The following LRRC37A2 variants were observed in gnomAD, a reference collection of about 807,000 sequenced individuals.
LRRC37A2 encodes leucine rich repeat containing 37 member A2, also known as leucine-rich repeat-containing protein 37A2.
A neutral mutation model predicts 68.8 loss-of-function variants in LRRC37A2; 9 were observed. The ratio of observed to expected loss-of-function variants is 0.13; its 90% confidence interval spans 0.08 to 0.23. LRRC37A2 has a LOEUF of 0.23. Among genes scored for constraint, LRRC37A2 ranks in the 10% least tolerant of loss-of-function variants. The pLI, the probability that LRRC37A2 is intolerant of heterozygous loss-of-function variation, is 1.00. For synonymous variants in LRRC37A2, 63 were observed against 367.6 expected (o/e 0.17, Z 9.48); for missense variants, 168 against 950.4 (o/e 0.18, Z 10.82).
At chr17:47,014,392 GAAAAAAA>G in the LRRC37A2 span, among the ~76,000 whole-genome samples, 17,766 of 99,450 alleles carry the variant, frequency 0.18, 1,136 homozygotes, top group South Asian at 0.32. Flanking sequence ...TCCATCTCGA[GAAAAAAA>G]AAAAAAAAAG....
the LRRC37A2 span, among the ~76,000 whole-genome samples, chr17:46,879,850 C>T: frequency 2.0e-5 from 3 of 152,182 alleles, no homozygotes; most frequent in African/African-American, 7.2e-5. Context: ...AAGTGGAGTC[C>T]CATGTCTCAG....
At chr17:46,847,837 G>A in the LRRC37A2 span, among the ~76,000 whole-genome samples, 1 of 152,214 alleles carries the variant, frequency 6.6e-6, no homozygotes, top group African/African-American at 2.4e-5. Context: ...CTGAGGGTTT[G>A]TTTCAGGCAG....
chr17:46,793,305 G>T, the LRRC37A2 span, among the ~76,000 whole-genome samples: 1 of 135,648 alleles, frequency 7.4e-6, no homozygotes. Context: ...AAAAAAATGA[G>T]GGGAGACATT....
chr17:46,876,801 A>C, the LRRC37A2 span: 1 of 1,456,188 alleles, frequency 6.9e-7, no homozygotes, highest in Non-Finnish European at 9.1e-7. Context: ...CTCTGGGCAG[A>C]CTGTCATCAC....
chr17:46,487,536 CA>C, the LRRC37A2 span, among the ~76,000 whole-genome samples: 2 of 59,698 alleles, frequency 3.4e-5, no homozygotes, highest in African/African-American at 1.2e-4. Flanking sequence ...AATTAACTCT[CA>C]TATCCTCCTC....
the LRRC37A2 span, among the ~76,000 whole-genome samples, chr17:47,031,814 T>TC: frequency 6.9e-6 from 1 of 144,800 alleles, no homozygotes; most frequent in South Asian, 2.4e-4. Context: ...GCCTTACTGT[T>TC]CCCCCCAGTC....
chr17:46,919,402 C>G, the LRRC37A2 span, among the ~76,000 whole-genome samples: 1 of 152,136 alleles, frequency 6.6e-6, no homozygotes, highest in East Asian at 1.9e-4. Context: ...GCATTTTCTT[C>G]TATTTAGAGG....
At chr17:46,755,932 A>G in the LRRC37A2 span, 5 of 1,052,138 alleles carry the variant, frequency 4.8e-6, no homozygotes, top group Middle Eastern at 2.0e-4. Context: ...AACGTTCTCT[A>G]CCTTCAACAT....
chr17:46,839,961 T>TTTCTTTC, the LRRC37A2 span, among the ~76,000 whole-genome samples: 1 of 141,450 alleles, frequency 7.1e-6, no homozygotes, highest in Non-Finnish European at 1.6e-5. Flanking sequence ...TCTTTCTTTC[T>TTTCTTTC]TTCTTTCTTT....
intron 6 of LRRC37A2, among the ~76,000 whole-genome samples, chr17:46,534,889 G>A (rs899572696): frequency 5.3e-5 from 8 of 149,750 alleles, no homozygotes; most frequent in East Asian, 1.9e-4. Context: ...CTTCTCAGAC[G>A]GGGCGGCTGC....
the LRRC37A2 span, among the ~76,000 whole-genome samples, chr17:46,779,211 T>A: frequency 2.0e-5 from 3 of 152,032 alleles, no homozygotes; most frequent in Non-Finnish European, 2.9e-5. Context: ...TGCCCCTCAC[T>A]CGCCAGACCT....
the LRRC37A2 span, among the ~76,000 whole-genome samples, chr17:46,735,116 T>G: frequency 5.9e-5 from 9 of 152,216 alleles, no homozygotes; most frequent in African/African-American, 2.2e-4. Context: ...AGATATCTGC[T>G]GAATAAAATC....
the LRRC37A2 span, among the ~76,000 whole-genome samples, chr17:46,877,838 G>A: frequency 1.3e-5 from 2 of 152,198 alleles, no homozygotes; most frequent in Non-Finnish European, 2.9e-5. Context: ...TGGGGTTATA[G>A]GTGCTTGAGT....
At chr17:46,789,849 G>A in the LRRC37A2 span, among the ~76,000 whole-genome samples, 24 of 152,206 alleles carry the variant, frequency 1.6e-4, no homozygotes, top group Non-Finnish European at 1.5e-4. Context: ...GAGGCCTCAC[G>A]GGGGATGCTG....
At chr17:46,995,990 C>G in the LRRC37A2 span, among the ~76,000 whole-genome samples, 2 of 152,156 alleles carry the variant, frequency 1.3e-5, no homozygotes, top group Non-Finnish European at 2.9e-5. Flanking sequence ...CCTCCCCACT[C>G]AGCAGGATTC....
chr17:46,389,329 T>C, the LRRC37A2 span, among the ~76,000 whole-genome samples: 7 of 92,494 alleles, frequency 7.6e-5, no homozygotes, highest in East Asian at 2.1e-3. Context: ...ATGGAAAAAG[T>C]CTATCAGGCA....
the LRRC37A2 span, among the ~76,000 whole-genome samples, chr17:46,723,944 T>C: frequency 6.6e-6 from 1 of 152,228 alleles, no homozygotes; most frequent in African/African-American, 2.4e-5. Flanking sequence ...ACAGTAAAAT[T>C]TTAACTCATG....
At chr17:46,771,484 C>T in the LRRC37A2 span, among the ~76,000 whole-genome samples, 1 of 149,632 alleles carries the variant, frequency 6.7e-6, no homozygotes, top group African/African-American at 2.4e-5. Context: ...GTTCCCAGCC[C>T]CGGGAACGCG....
the LRRC37A2 span, chr17:47,019,025 G>C: frequency 4.7e-5 from 69 of 1,459,286 alleles, no homozygotes; most frequent in Non-Finnish European, 6.0e-5. Context: ...TTCAACTTTT[G>C]GACCTGGGAC....
Sources: allele counts gnomAD v4.1 joint callset (sites outside exome capture counted in the v4.1 genomes callset), GRCh38; gene constraint gnomAD v4.1.1; transcripts MANE v1.5; gene names NCBI Gene and HGNC (gene_info 2026-07-23, HGNC 2026-07-21).